Variants in RNF19A observed in about 807,000 individuals in gnomAD.
The protein encoded by RNF19A is E3 ubiquitin-protein ligase RNF19A.
In RNF19A, 32 loss-of-function variants were observed where a neutral mutation model predicts 75.7. That is an observed-to-expected ratio of 0.42 (90% CI 0.32 to 0.57). The LOEUF (loss-of-function observed/expected upper bound fraction) is 0.57, where lower values mean the gene tolerates loss of function less well. Ranked by LOEUF, RNF19A falls within the 20% of genes least tolerant of loss-of-function variation. The pLI, the probability that RNF19A is intolerant of heterozygous loss-of-function variation, is 0.10. For synonymous variants in RNF19A, 335 were observed against 345.2 expected (o/e 0.97, Z 0.33); for missense variants, 782 against 1,036.3 (o/e 0.75, Z 3.37).
chr8:100,303,655 G>A (rs906067043), intron 1 of RNF19A, among the ~76,000 whole-genome samples: 5 of 151,966 alleles, frequency 3.3e-5, no homozygotes, highest in Non-Finnish European at 5.9e-5. Flanking sequence ...CAGGTGCAGT[G>A]GCTCACGCCT....
intron 5 of RNF19A, among the ~76,000 whole-genome samples, chr8:100,268,104 CTTTT>C (rs145479213): frequency 6.8e-6 from 1 of 148,112 alleles, no homozygotes; most frequent in Non-Finnish European, 1.5e-5. Context: ...AAGAAAATTT[CTTTT>C]TTTTTTCTTT....
chr8:100,263,908 T>C (rs1819844642), intron 7 of RNF19A, 126 bp downstream of exon 7: 2 of 719,436 alleles, frequency 2.8e-6, no homozygotes, highest in Non-Finnish European at 4.5e-6. Flanking sequence ...TATGTACTTC[T>C]GAATGAATAC....
intron 1 of RNF19A, chr8:100,303,096 C>G (rs1461598166): frequency 1.3e-5 from 2 of 152,174 alleles, no homozygotes; most frequent in African/African-American, 4.8e-5. Flanking sequence ...ATAGTAGTTT[C>G]CTGGGGCTGC....
chr8:100,321,539 T>C (rs1457285896), intron 1 of RNF19A, among the ~76,000 whole-genome samples: 2 of 152,128 alleles, frequency 1.3e-5, no homozygotes, highest in Non-Finnish European at 2.9e-5. Flanking sequence ...AGAGTTGGAG[T>C]CAACTTCTTT....
chr8:100,271,516 G>A (rs1235497603), intron 3 of RNF19A, among the ~76,000 whole-genome samples: 1 of 152,146 alleles, frequency 6.6e-6, no homozygotes, highest in Non-Finnish European at 1.5e-5. Context: ...CAACAAGACA[G>A]GGGAGTAAAA....
intron 1 of RNF19A, among the ~76,000 whole-genome samples, chr8:100,306,820 T>C (rs1344158008): frequency 6.6e-6 from 1 of 152,182 alleles, no homozygotes; most frequent in African/African-American, 2.4e-5. Flanking sequence ...AACAGAGAAC[T>C]GGCATGGCTT....
intron 1 of RNF19A, chr8:100,336,051 G>C (rs1046900716): frequency 2.0e-5 from 3 of 152,228 alleles, no homozygotes; most frequent in Admixed American, 6.5e-5. Context: ...GGGATATACA[G>C]TACAGACAGA....
chr8:100,289,085 A>G (rs1821172957), intron 1 of RNF19A, among the ~76,000 whole-genome samples: 1 of 150,730 alleles, frequency 6.6e-6, no homozygotes, highest in South Asian at 2.1e-4. Context: ...AAAGTCATAT[A>G]TATGTATATG....
rs368230261 is a variant in RNF19A, at chr8:100,268,869, A to G, written c.1107T>C (p.Val369=). The G allele has an allele frequency of 1.9e-6, 3 of 1,605,666 alleles. No homozygotes were observed. Among genetic ancestry groups the G allele is most frequent in the Non-Finnish European group, 2.6e-6 (3 of 1,174,940 alleles). ...TTAAAGCGATTCCGACAGGAGCACC[A>G]ACCAGTGTTCCCAGTTGCCACAATA... The part of the protein sequence containing the change: ...KKILWQLGTL[V]GAPVGIALIA... Residue 369 remains valine, a synonymous_variant, in exon 5 of 10, where the codon GTT becomes GTC. Transcript: ENST00000341084.
rs943054442 is a variant in RNF19A at position 100,324,262 on chromosome 8, G to A, written c.-242-10890C>T. Among the ~76,000 whole-genome samples the A allele has an allele frequency of 1.3e-5, 2 of 152,202 alleles. No individual in the cohort carries two copies. Among genetic ancestry groups the A allele is most frequent in the African/African-American group, 4.8e-5 (2 of 41,432 alleles). ...TGTTGAATAGAACAGGAATAATTTA[G>A]TGGCAAGCATTTTGGGGTATAGAAA... On this transcript the variant is annotated intron_variant, in intron 1 of 3. Coordinates refer to the RNF19A transcript ENST00000519527. The surrounding 1 kb of genome is among the most constrained non-coding windows in gnomAD (Gnocchi z 4.2).
rs978683844 is a variant in RNF19A, at chr8:100,317,031, A to G, written c.-242-3659T>C. ...CGCTGGCCCGGGTGCTAAGTCCCTC[A>G]TTGCCCGGGACCAGCAGCGCTGCCC... On this transcript the variant is annotated intron_variant, in intron 1 of 3. Coordinates refer to the RNF19A transcript ENST00000519527. The surrounding 1 kb of genome is among the most constrained non-coding windows in gnomAD (Gnocchi z 4.3). Among the ~76,000 whole-genome samples the G allele has an allele frequency of 1.3e-5, 2 of 151,666 alleles. No individual in the cohort carries two copies. The highest frequency in any genetic ancestry group is 2.4e-5 in the African/African-American group (1 of 41,352).
Position 100,258,431 on chromosome 8 carries a change from TG to T in RNF19A, c.*124del. Reference sequence around the variant, plus strand: ...ACAATGCCTTGCTGAACACAGAAAATGTATCTGCATTATGATAATGAAACCC... The same window carrying T: ...ACAATGCCTTGCTGAACACAGAAAATTATCTGCATTATGATAATGAAACCC... On this transcript the variant is annotated 3_prime_UTR_variant, in exon 10 of 10. Coordinates refer to ENST00000341084, the MANE Select transcript of RNF19A (RefSeq NM_183419.4). The surrounding 1 kb of genome is among the most constrained non-coding windows in gnomAD (Gnocchi z 4.3). The T allele has an allele frequency of 1.4e-6, 1 of 725,844 alleles. No homozygotes were observed. The highest frequency in any genetic ancestry group is 2.3e-6 in the Non-Finnish European group (1 of 439,536). 45.0% of individuals were successfully genotyped at this position (725,844 alleles called of 1,614,324 possible).
chr8:100,261,422 A>G lies in RNF19A; in HGVS notation c.1682+120T>C. 1.1e-6 allele frequency: 1 copy of G among 894,638 alleles called. No homozygotes were observed. Among genetic ancestry groups the G allele is most frequent in the Non-Finnish European group, 1.7e-6 (1 of 573,542 alleles). 55.4% of individuals were successfully genotyped at this position (894,638 alleles called of 1,614,324 possible). A position where few individuals can be genotyped will look rare whatever the true frequency, so the allele number is the denominator to read the frequency against. Reference sequence around the variant, plus strand: ...CCCAAATTTCATTTTTAACATTACTATTTTGAACCTTGACATAGTAGGGTT... The same window carrying G: ...CCCAAATTTCATTTTTAACATTACTGTTTTGAACCTTGACATAGTAGGGTT... On this transcript the variant is annotated intron_variant, in intron 8 of 9. Coordinates refer to ENST00000341084, the MANE Select transcript of RNF19A (RefSeq NM_183419.4). This position sits in a 1 kb window ranked among gnomAD's most constrained non-coding sequence, Gnocchi z 4.4.
chr8:100,275,798 GT>G lies in RNF19A; in HGVS notation c.675-638del, dbSNP rs1441148256. Among the ~76,000 whole-genome samples, 1 of 152,050 alleles carries G rather than the reference GT, an allele frequency of 6.6e-6. No individual in the cohort carries two copies. Among genetic ancestry groups the G allele is most frequent in the Non-Finnish European group, 1.5e-5 (1 of 67,990 alleles). On this transcript the variant is annotated intron_variant, in intron 2 of 9. Coordinates refer to ENST00000341084, the MANE Select transcript of RNF19A (RefSeq NM_183419.4). The surrounding 1 kb of genome is among the most constrained non-coding windows in gnomAD (Gnocchi z 4.3). ...AAGTTAAAAGAAAAAAAGATTGCCTGTTTAAAAATGTAGTGACTATAGGTTA... is the reference window on the plus strand; with the variant it reads ...AAGTTAAAAGAAAAAAAGATTGCCTGTTAAAAATGTAGTGACTATAGGTTA...
In RNF19A at chr8:100,288,060, C is replaced by A; in HGVS notation, c.115G>T (p.Gly39Cys). 1.2e-6 allele frequency: 2 copies of A among 1,614,102 alleles called. No individual in the cohort carries two copies. Among genetic ancestry groups the A allele is most frequent in the Non-Finnish European group, 1.7e-6 (2 of 1,180,012 alleles). The change falls in exon 2 of 10, where the codon GGT (glycine) becomes TGT (cysteine). Residue 39 changes from glycine to cysteine, a missense_variant. Gly to Cys is a radical substitution (Grantham distance 159, BLOSUM62 -3). This residue lies in a region of RNF19A where 148 missense variants were observed against 147.9 expected (regional missense o/e 1.00). Coordinates refer to ENST00000341084, the MANE Select transcript of RNF19A (RefSeq NM_183419.4). ...GAGGACTGAAGATCTCGATCTGAAC[C>A]CATTTGCCGATGTAAACTCATGTCT... The part of the protein sequence containing the change: ...ILDMSLHRQM[G>C]SDRDLQSSAS...
At chr8:100,276,278 T>C (rs990905108) in intron 2 of RNF19A, among the ~76,000 whole-genome samples, 2 of 152,202 alleles carry the variant, frequency 1.3e-5, no homozygotes, top group African/African-American at 4.8e-5. Context: ...TTGATGCAAG[T>C]AACACCTTAG....
At chr8:100,290,117 C>CT in intron 1 of RNF19A, among the ~76,000 whole-genome samples, 1 of 151,986 alleles carries the variant, frequency 6.6e-6, no homozygotes, top group Admixed American at 6.6e-5. Context: ...ACAAAGGGAA[C>CT]TTTTTTTGTT....
intron 1 of RNF19A, among the ~76,000 whole-genome samples, chr8:100,291,777 G>T (rs749970239): frequency 6.6e-6 from 1 of 152,114 alleles, no homozygotes; most frequent in Non-Finnish European, 1.5e-5. Context: ...TTAAAATATG[G>T]AGAAAATCCA....
chr8:100,276,649 G>A (rs1820528507), intron 2 of RNF19A, among the ~76,000 whole-genome samples: 1 of 151,214 alleles, frequency 6.6e-6, no homozygotes, highest in Non-Finnish European at 1.5e-5. Flanking sequence ...CAGCTACTTG[G>A]GTGGCTGAGG....
Sources: allele counts gnomAD v4.1 joint callset (sites outside exome capture counted in the v4.1 genomes callset), GRCh38; gene constraint gnomAD v4.1.1; regional missense constraint gnomAD v4.1.1; non-coding constraint Gnocchi (gnomAD v3.1); transcripts MANE v1.5; gene names NCBI Gene and HGNC (gene_info 2026-07-23, HGNC 2026-07-21).